PAM: variants seen among roughly 807,000 people sequenced by gnomAD.
PAM encodes the protein peptidyl-glycine alpha-amidating monooxygenase.
In PAM, 72 loss-of-function variants were observed where a neutral mutation model predicts 122.1. The ratio of observed to expected loss-of-function variants is 0.59; its 90% CI spans 0.49 to 0.72. The LOEUF is 0.72. Among genes scored for constraint, PAM ranks in the 30% least tolerant of loss-of-function variants. The pLI is 0.00. For synonymous variants in PAM, 389 were observed against 404.4 expected, an observed-to-expected ratio of 0.96 and a Z score of 0.46; for missense variants, 1,106 against 1,183.7, an observed-to-expected ratio of 0.93 and a Z score of 0.96.
At chr5:103,025,096 T>G (rs200819531) in intron 23 of PAM, 35 bp from the exon 24 acceptor site, 29 of 1,486,622 alleles carry the variant, frequency 2.0e-5, no homozygotes, top group Non-Finnish European at 2.5e-5. Context: ...AATCTTTGAG[T>G]CAGTTGAATA....
chr5:102,850,912 C>A (rs371849416), intron 1 of PAM, among the ~76,000 whole-genome samples: 1 of 152,116 alleles, frequency 6.6e-6, no homozygotes, highest in South Asian at 2.1e-4. Flanking sequence ...ACCATTTGGT[C>A]TCAAATTCAA....
chr5:102,863,761 T>C (rs1048812528), intron 1 of PAM, among the ~76,000 whole-genome samples: 1 of 150,266 alleles, frequency 6.7e-6, no homozygotes, highest in African/African-American at 2.4e-5. Context: ...TCCAGAATTA[T>C]AAAAAAAATA....
rs1757703308 is a variant in PAM, at chr5:102,948,418, G to C, written c.616G>C (p.Asp206His). The C allele has an allele frequency of 6.3e-7, 1 of 1,586,958 alleles. No homozygotes were observed. Among genetic ancestry groups the C allele is most frequent in the East Asian group, 2.2e-5 (1 of 44,676 alleles). The change falls in exon 9 of 26, where the codon GAC becomes CAC. Residue 206 changes from aspartate (D) to histidine (H), a missense_variant. By Grantham distance (81) the Asp-to-His change is moderately conservative. Transcript: ENST00000438793. ...TGGCATGTACCTTATGATGTCTGTT[G>C]ACACTGTTATCCCAGCAGGAGAAAA... Reference protein sequence around the residue: ...IAGMYLMMSVDTVIPAGEKVV... With the variant: ...IAGMYLMMSVHTVIPAGEKVV...
At chr5:102,900,254 T>TGTGTGGGGGGGG (rs777616737) in intron 3 of PAM, among the ~76,000 whole-genome samples, 1 of 26,978 alleles carries the variant, frequency 3.7e-5, no homozygotes, top group African/African-American at 1.7e-4. Context: ...TGTGTGTGTG[T>TGTGTGGGGGGGG]GGGGGGGGGG....
rs116439076 is a variant in PAM, at chr5:102,913,101, G to A, written c.269-833G>A. ...CACCTGAGATTTAAGATCATTTTGG[G>A]GCTATTTAGCATTTTATGTGCAAAG... On this transcript the variant is annotated intron_variant, in intron 4 of 25. Coordinates refer to ENST00000438793, the MANE Select transcript of PAM (RefSeq NM_001177306.2). 8.0e-3 allele frequency among the ~76,000 whole-genome samples: 1,218 copies of A among 151,934 alleles called. 22 individuals carry two copies. Among genetic ancestry groups the A allele is most frequent in the African/African-American group, 0.027 (1,139 of 41,486 alleles).
Position 102,936,753 on chromosome 5 carries a change from T to A in PAM, c.527-10084T>A, listed in dbSNP as rs533368757. Among the ~76,000 whole-genome samples, 31 of 152,302 alleles carry A rather than the reference T, an allele frequency of 2.0e-4. No homozygotes were observed. The South Asian group carries it at 6.4e-3, about 32-fold the overall frequency. ...ATATAAACACACCAGTAGTGTGTAT[T>A]TTTTTCACAGAGCCAATGTATTACT... On this transcript the variant is annotated intron_variant, in intron 7 of 25. Coordinates refer to ENST00000438793, the MANE Select transcript of PAM (RefSeq NM_001177306.2).
intron 1 of PAM, among the ~76,000 whole-genome samples, chr5:102,822,160 G>C (rs1385731671): frequency 1.3e-5 from 2 of 152,096 alleles, no homozygotes; most frequent in African/African-American, 4.8e-5. Flanking sequence ...ATTATGGCCG[G>C]CCCCCTGAGC....
intron 7 of PAM, among the ~76,000 whole-genome samples, chr5:102,929,918 T>C (rs553626578): frequency 2.0e-5 from 3 of 152,238 alleles, no homozygotes; most frequent in South Asian, 4.2e-4. Flanking sequence ...GTTAGTGTAT[T>C]TTATGTGTGG....
At chr5:102,982,112 G>A (rs1383147295) in intron 15 of PAM, among the ~76,000 whole-genome samples, 1 of 151,996 alleles carries the variant, frequency 6.6e-6, no homozygotes, top group Non-Finnish European at 1.5e-5. Context: ...ACATTGTCCA[G>A]GGATCTGAGG....
chr5:102,797,127 A>G (rs1002316537), intron 1 of PAM, among the ~76,000 whole-genome samples: 3 of 152,220 alleles, frequency 2.0e-5, no homozygotes, highest in African/African-American at 7.2e-5. Flanking sequence ...CTGTTGGGTC[A>G]TTCTTCAGAA....
intron 1 of PAM, among the ~76,000 whole-genome samples, chr5:102,757,158 T>C (rs1363528561): frequency 6.6e-6 from 1 of 152,052 alleles, no homozygotes; most frequent in Non-Finnish European, 1.5e-5. Context: ...AAATCCCATC[T>C]CTACTAAAAA....
chr5:103,012,659 C>T (rs183346638), intron 21 of PAM, among the ~76,000 whole-genome samples: 1 of 151,438 alleles, frequency 6.6e-6, no homozygotes, highest in Admixed American at 6.6e-5. Context: ...TCGAGACCAT[C>T]CTGGCTAACA....
chr5:102,917,507 A>G (rs1166207795), intron 5 of PAM, among the ~76,000 whole-genome samples: 2 of 152,352 alleles, frequency 1.3e-5, no homozygotes, highest in East Asian at 3.9e-4. Context: ...GGAAACTTAT[A>G]AGGAAATACA....
chr5:102,971,348 G>T (rs1014417419), intron 14 of PAM, among the ~76,000 whole-genome samples: 1 of 152,080 alleles, frequency 6.6e-6, no homozygotes, highest in African/African-American at 2.4e-5. Context: ...AAAGGTTATT[G>T]TCACTATCTT....
chr5:103,022,305 T>C (rs1270411745), intron 23 of PAM, among the ~76,000 whole-genome samples: 4 of 152,112 alleles, frequency 2.6e-5, no homozygotes, highest in African/African-American at 9.7e-5. Context: ...CTTCCTAGTA[T>C]GCCATTTGCC....
chr5:102,844,135 A>G (rs1388641842), intron 1 of PAM, among the ~76,000 whole-genome samples: 1 of 152,214 alleles, frequency 6.6e-6, no homozygotes, highest in African/African-American at 2.4e-5. Flanking sequence ...AAAAGGAATG[A>G]ACTATTGATA....
chr5:103,025,954 A>G lies in PAM; in HGVS notation c.2689+620A>G, dbSNP rs1446636275. Among the ~76,000 whole-genome samples the G allele has an allele frequency of 2.0e-5, 3 of 152,208 alleles. No homozygotes were observed. In the South Asian group the frequency reaches 6.2e-4, roughly 31 times the overall value. On this transcript the variant is annotated intron_variant, in intron 24 of 25. Transcript: ENST00000438793. Reference sequence around the variant, plus strand: ...TAATCATTGGTAATAAAGTAACAAAAGGCATAAGAAGTTATAAAAAACACT... The same window carrying G: ...TAATCATTGGTAATAAAGTAACAAAGGGCATAAGAAGTTATAAAAAACACT...
rs762105250 is a variant in PAM, at chr5:102,960,001, G to T, written c.1032G>T (p.Glu344Asp). ...APDMFRTIPP[E>D]ANIPIPVKSD... is the part of the protein sequence containing the mutation. ...ATATGTTCAGAACCATACCACCAGA[G>T]GCCAACATTCCAATTCCCGTGAAGT... Residue 344 changes from glutamate to aspartate, a missense_variant, in exon 13 of 26, where the codon GAG becomes GAT. Glu to Asp is a conservative substitution (Grantham distance 45, BLOSUM62 2). This residue lies in a region of PAM where 670 missense variants were observed against 690.3 expected (regional missense o/e 0.97). Coordinates refer to ENST00000438793, the MANE Select transcript of PAM (RefSeq NM_001177306.2). 1 of 1,612,244 alleles carries T rather than the reference G, an allele frequency of 6.2e-7. No individual in the cohort carries two copies. The highest frequency in any genetic ancestry group is 8.5e-7 in the Non-Finnish European group (1 of 1,178,638).
intron 1 of PAM, among the ~76,000 whole-genome samples, chr5:102,833,803 C>T (rs1580713688): frequency 6.6e-6 from 1 of 152,152 alleles, no homozygotes. Context: ...TGTTGGATTC[C>T]TTACCCCTGT....
Sources: allele counts gnomAD v4.1 joint callset (sites outside exome capture counted in the v4.1 genomes callset), GRCh38; gene constraint gnomAD v4.1.1; regional missense constraint gnomAD v4.1.1; transcripts MANE v1.5; gene names NCBI Gene and HGNC (gene_info 2026-07-23, HGNC 2026-07-21).